Variants in MRAS observed in about 807,000 individuals in gnomAD.
The protein encoded by MRAS is ras-related protein M-Ras.
MRAS carries 4 observed loss-of-function variants against 20.9 expected under a neutral mutation model. That is an observed-to-expected ratio of 0.19 (90% CI 0.09 to 0.44). The LOEUF is 0.44. MRAS is among the 20% of genes least tolerant of loss of function. The pLI is 0.99. For synonymous variants in MRAS, 98 were observed against 102.9 expected, an observed-to-expected ratio of 0.95 and a Z score of 0.29; for missense variants, 154 against 277.5, an observed-to-expected ratio of 0.56 and a Z score of 3.16.
chr3:138,365,850 G>T (rs987711487), intron 1 of MRAS, among the ~76,000 whole-genome samples: 3 of 152,208 alleles, frequency 2.0e-5, no homozygotes, highest in Non-Finnish European at 2.9e-5. Context: ...CTGGGAATGG[G>T]GGGGAGCAGC....
chr3:138,377,517 T>G (rs974108068), intron 2 of MRAS, among the ~76,000 whole-genome samples: 6 of 152,204 alleles, frequency 3.9e-5, no homozygotes, highest in African/African-American at 1.2e-4. Flanking sequence ...GGCAGGAGAA[T>G]TGCCTGAACC....
Position 138,404,162 on chromosome 3 carries a change from T to C in MRAS, c.*1893T>C, listed in dbSNP as rs554367409. 1 of 152,330 alleles carries C rather than the reference T, an allele frequency of 6.6e-6. No individual in the cohort carries two copies. Among genetic ancestry groups the C allele is most frequent in the East Asian group, 1.9e-4 (1 of 5,184 alleles). The allele number at this position is 152,330 out of a possible 1,614,324, so 9.4% of individuals were successfully genotyped here. A position where few individuals can be genotyped will look rare whatever the true frequency, so the allele number is the denominator to read the frequency against. On this transcript the variant is annotated 3_prime_UTR_variant, in exon 6 of 6. Transcript: ENST00000423968. ...AAAGGACAAAGCTCTTCCCAATCCTTATGCTTCCCTAAGTGGTATCTGCAG... is the reference window on the plus strand; with the variant it reads ...AAAGGACAAAGCTCTTCCCAATCCTCATGCTTCCCTAAGTGGTATCTGCAG...
intron 3 of MRAS, 67 bp downstream of exon 3, chr3:138,397,544 T>C: frequency 6.5e-7 from 1 of 1,541,210 alleles, no homozygotes; most frequent in South Asian, 1.2e-5. Context: ...GCGCTCTCTC[T>C]CTCTCTCTTT....
At position 138,404,667 on chromosome 3, in the gene MRAS, A is replaced by G. The variant is rs1461109533; in HGVS notation, c.*2398A>G. 1.3e-5 allele frequency: 2 copies of G among 152,098 alleles called. No individual in the cohort carries two copies. The highest frequency in any genetic ancestry group is 2.9e-5 in the Non-Finnish European group (2 of 68,026). 9.4% of individuals were successfully genotyped at this position (152,098 alleles called of 1,614,324 possible). A position where few individuals can be genotyped will look rare whatever the true frequency, so the allele number is the denominator to read the frequency against. ...TCTCCCATGAACTCATTTCCCCATAAATGAAATGGGTAAATAATGCCCCAT... is the reference window on the plus strand; with the variant it reads ...TCTCCCATGAACTCATTTCCCCATAGATGAAATGGGTAAATAATGCCCCAT... On this transcript the variant is annotated 3_prime_UTR_variant, in exon 6 of 6. Transcript: ENST00000423968.
intron 2 of MRAS, among the ~76,000 whole-genome samples, chr3:138,395,262 C>T (rs1323664272): frequency 1.3e-5 from 2 of 152,042 alleles, no homozygotes; most frequent in East Asian, 3.9e-4. Flanking sequence ...GTCTCGAACT[C>T]CTGACCTCAG....
rs563196463 is a variant in MRAS at position 138,388,088 on chromosome 3, TC to T, written c.194-9233del. 7.2e-5 allele frequency among the ~76,000 whole-genome samples: 11 copies of T among 152,160 alleles called. 1 individual carries two copies. In the East Asian group the frequency reaches 2.1e-3, roughly 29 times the overall value. Reference sequence around the variant, plus strand: ...CTTTAGCCCCCTTCCCCTTGGGGAGTCCCAGGTGTCCTGGCTGTCTGCACCC... The same window carrying T: ...CTTTAGCCCCCTTCCCCTTGGGGAGTCCAGGTGTCCTGGCTGTCTGCACCC... On this transcript the variant is annotated intron_variant, in intron 2 of 5. Transcript: ENST00000423968.
Position 138,372,979 on chromosome 3 carries a change from GT to G in MRAS, c.101del (p.Phe34SerfsTer18). ...TGGGCAAAAGTGCCCTCACCATCCA[GT>G]TTTTCCAGAAGATCTTTGTGCCTGA... ...GVGKSALTIQ[F>X]FQKIFVPDYD... On this transcript the variant is annotated frameshift_variant, in exon 2 of 6. Transcript: ENST00000423968. LOFTEE classifies it high-confidence loss of function. The G allele has an allele frequency of 6.4e-7, 1 of 1,572,068 alleles. No individual in the cohort carries two copies. Among genetic ancestry groups the G allele is most frequent in the South Asian group, 1.2e-5 (1 of 85,092 alleles).
chr3:138,357,451 G>T (rs1441722563), intron 1 of MRAS, among the ~76,000 whole-genome samples: 1 of 152,228 alleles, frequency 6.6e-6, no homozygotes, highest in African/African-American at 2.4e-5. Flanking sequence ...GCCACACTCT[G>T]GCCTTTCTTC....
intron 2 of MRAS, among the ~76,000 whole-genome samples, chr3:138,380,794 G>T (rs1176090711): frequency 4.0e-5 from 6 of 149,468 alleles, no homozygotes; most frequent in Non-Finnish European, 8.9e-5. Context: ...TTTTTGAGAC[G>T]GTGTCTCGCT....
At chr3:138,360,329 C>G (rs1337736800) in intron 1 of MRAS, among the ~76,000 whole-genome samples, 2 of 152,184 alleles carry the variant, frequency 1.3e-5, no homozygotes, top group Non-Finnish European at 2.9e-5. Context: ...TGTTGCCACC[C>G]TGCTCTTCTC....
At chr3:138,356,037 T>C (rs1184258970) in intron 1 of MRAS, among the ~76,000 whole-genome samples, 1 of 152,254 alleles carries the variant, frequency 6.6e-6, no homozygotes, top group East Asian at 1.9e-4. Context: ...AAGGCCCTGC[T>C]TTACTGGGGC....
intron 2 of MRAS, among the ~76,000 whole-genome samples, chr3:138,386,017 G>GGAAC (rs2055005580): frequency 6.6e-6 from 1 of 152,140 alleles, no homozygotes; most frequent in Admixed American, 6.5e-5. Flanking sequence ...GAGGGCAGGT[G>GGAAC]GAACATGTGT....
chr3:138,359,878 T>A (rs1196156801), intron 1 of MRAS, among the ~76,000 whole-genome samples: 1 of 152,196 alleles, frequency 6.6e-6, no homozygotes, highest in Non-Finnish European at 1.5e-5. Flanking sequence ...GAGTGTTGAT[T>A]TATTTGGGTT....
At chr3:138,352,668 G>A (rs901821031) in intron 1 of MRAS, among the ~76,000 whole-genome samples, 9 of 152,148 alleles carry the variant, frequency 5.9e-5, no homozygotes, top group African/African-American at 2.2e-4. Context: ...GAGGGGTATA[G>A]TCCTCGCATC....
intron 2 of MRAS, among the ~76,000 whole-genome samples, chr3:138,385,203 TG>T (rs2054986259): frequency 6.8e-6 from 1 of 146,394 alleles, no homozygotes; most frequent in African/African-American, 2.5e-5. Flanking sequence ...GGTCTTGCTT[TG>T]TCACCCAGGC....
chr3:138,353,041 G>T (rs924555876), intron 1 of MRAS, among the ~76,000 whole-genome samples: 3 of 152,134 alleles, frequency 2.0e-5, no homozygotes, highest in African/African-American at 7.2e-5. Context: ...AGACCCAGAA[G>T]GAGCCCCCTG....
chr3:138,390,184 C>T (rs1164466298), intron 2 of MRAS, among the ~76,000 whole-genome samples: 1 of 152,134 alleles, frequency 6.6e-6, no homozygotes, highest in Admixed American at 6.5e-5. Flanking sequence ...GCCCTCCTGC[C>T]TGGGACTACA....
At chr3:138,387,590 G>T (rs777423143) in intron 2 of MRAS, among the ~76,000 whole-genome samples, 2 of 152,212 alleles carry the variant, frequency 1.3e-5, no homozygotes, top group African/African-American at 2.4e-5. Context: ...TCCCAGAGGG[G>T]TTGCAAGGTG....
chr3:138,353,166 A>G (rs2054262879), intron 1 of MRAS, among the ~76,000 whole-genome samples: 1 of 152,196 alleles, frequency 6.6e-6, no homozygotes, highest in African/African-American at 2.4e-5. Flanking sequence ...GGTTTATTTG[A>G]ATGTATTATA....
Sources: gnomAD v4.1 joint callset for allele counts (sites outside exome capture counted in the v4.1 genomes callset) on GRCh38, gnomAD v4.1.1 for gene constraint, MANE v1.5 for transcripts, NCBI Gene and HGNC (gene_info 2026-07-23, HGNC 2026-07-21) for gene names.